Variants in MGAT4C observed in about 807,000 individuals in gnomAD.
MGAT4C encodes the protein alpha-1,3-mannosyl-glycoprotein 4-beta-N-acetylglucosaminyltransferase C.
In MGAT4C, 19 loss-of-function variants were observed where a neutral mutation model predicts 40.1. The ratio of observed to expected loss-of-function variants is 0.47; its 90% confidence interval spans 0.33 to 0.70. The LOEUF is 0.70. Ranked by LOEUF, MGAT4C falls within the 30% of genes least tolerant of loss-of-function variation. The pLI is 0.02. For synonymous variants in MGAT4C, 181 were observed against 187.1 expected (o/e 0.97, Z 0.27); for missense variants, 491 against 563.2 (o/e 0.87, Z 1.30).
chr12:85,993,418 C>T (rs2136737331), intron 2 of MGAT4C, among the ~76,000 whole-genome samples: 1 of 152,266 alleles, frequency 6.6e-6, no homozygotes, highest in South Asian at 2.1e-4. Context: ...GAGGAGGAAA[C>T]ACTTTCAGGT....
chr12:86,709,659 C>T (rs1950523980), intron 2 of MGAT4C, among the ~76,000 whole-genome samples: 1 of 152,046 alleles, frequency 6.6e-6, no homozygotes, highest in Admixed American at 6.6e-5. Flanking sequence ...AGTGATCCCC[C>T]CACCTTGGCC....
At chr12:86,085,187 T>C (rs1411275203) in intron 1 of MGAT4C, among the ~76,000 whole-genome samples, 1 of 152,126 alleles carries the variant, frequency 6.6e-6, no homozygotes, top group Admixed American at 6.6e-5. Context: ...TCTTTTACTG[T>C]GCAGAAGCTC....
At chr12:86,290,749 A>G (rs1363076599) in intron 4 of MGAT4C, among the ~76,000 whole-genome samples, 2 of 152,302 alleles carry the variant, frequency 1.3e-5, no homozygotes, top group East Asian at 3.9e-4. Context: ...AAAGTAAACA[A>G]TAACCACAAG....
chr12:86,737,435 C>CT (rs1394731833), intron 1 of MGAT4C, among the ~76,000 whole-genome samples: 1 of 146,242 alleles, frequency 6.8e-6, no homozygotes, highest in African/African-American at 2.5e-5. Flanking sequence ...CCTCAGTCTA[C>CT]TTTTTTCTTA....
At position 86,471,247 on chromosome 12, in the gene MGAT4C, T is replaced by TA. The variant is rs1157475527; in HGVS notation, c.-228-35983dup. ...AGATAATTTTTCTACTTTTAGTTTTTAAAAAATATGTATAACTCTTGAAAG... is the reference window on the plus strand; with the variant it reads ...AGATAATTTTTCTACTTTTAGTTTTTAAAAAAATATGTATAACTCTTGAAAG... On this transcript the variant is annotated intron_variant, in intron 2 of 7. Coordinates refer to the MGAT4C transcript ENST00000548651. Among the ~76,000 whole-genome samples, 22 of 152,124 alleles carry TA rather than the reference T, an allele frequency of 1.4e-4. No individual in the cohort carries two copies. The East Asian group carries it at 4.2e-3, about 29-fold the overall frequency.
At chr12:86,231,688 T>C (rs941851625) in intron 1 of MGAT4C, among the ~76,000 whole-genome samples, 6 of 152,194 alleles carry the variant, frequency 3.9e-5, no homozygotes, top group Non-Finnish European at 8.8e-5. Context: ...CCAGTTAATA[T>C]AGAGTATAGA....
intron 2 of MGAT4C, among the ~76,000 whole-genome samples, chr12:86,033,598 G>A (rs1890958554): frequency 6.7e-6 from 1 of 149,458 alleles, no homozygotes; most frequent in Non-Finnish European, 1.5e-5. Context: ...TGGTACATTT[G>A]TTTTGTATCC....
chr12:86,583,262 T>C (rs982181176), intron 2 of MGAT4C, among the ~76,000 whole-genome samples: 2 of 151,314 alleles, frequency 1.3e-5, no homozygotes, highest in Non-Finnish European at 3.0e-5. Flanking sequence ...ATCTCACAGA[T>C]TTACTTTAAA....
intron 3 of MGAT4C, among the ~76,000 whole-genome samples, chr12:86,350,631 G>A (rs1427644097): frequency 1.3e-5 from 2 of 152,162 alleles, no homozygotes; most frequent in African/African-American, 4.8e-5. Context: ...GATTAGGCTT[G>A]TGCCAAAAAT....
chr12:86,735,952 A>C (rs12315500), intron 1 of MGAT4C, among the ~76,000 whole-genome samples: 72,991 of 151,594 alleles, frequency 0.48, 17,889 homozygotes, highest in African/African-American at 0.54. Context: ...GGGTAAGTGT[A>C]TTTTTGTATT....
rs996685965 is a variant in MGAT4C at position 86,320,003 on chromosome 12, T to C, written c.-57+14062A>G. 2.6e-5 allele frequency among the ~76,000 whole-genome samples: 4 copies of C among 152,166 alleles called. No individual in the cohort carries two copies. In the East Asian group the frequency reaches 7.7e-4, roughly 29 times the overall value. ...CAGAGAACCAGTTCCGTGGTTCTTA[T>C]TGTTTTTCTTTTGGAATACTGTAAA... On this transcript the variant is annotated intron_variant, in intron 4 of 7. Coordinates refer to the MGAT4C transcript ENST00000548651.
At chr12:86,134,992 T>C (rs1474656203) in intron 1 of MGAT4C, among the ~76,000 whole-genome samples, 1 of 152,180 alleles carries the variant, frequency 6.6e-6, no homozygotes, top group East Asian at 1.9e-4. Flanking sequence ...GATACCTTTG[T>C]TTAAATGAAT....
chr12:86,069,656 T>A (rs1260747357), intron 1 of MGAT4C, among the ~76,000 whole-genome samples: 6 of 152,140 alleles, frequency 3.9e-5, no homozygotes, highest in Non-Finnish European at 8.8e-5. Context: ...TTTAAATCCA[T>A]GCCCAATATA....
At chr12:86,700,949 A>G (rs1950351328) in intron 2 of MGAT4C, among the ~76,000 whole-genome samples, 1 of 152,112 alleles carries the variant, frequency 6.6e-6, no homozygotes, top group Admixed American at 6.6e-5. Flanking sequence ...GAATTTTATC[A>G]AAATATAATG....
chr12:86,296,760 C>T (rs1364760346), intron 4 of MGAT4C, among the ~76,000 whole-genome samples: 2 of 152,230 alleles, frequency 1.3e-5, no homozygotes, highest in African/African-American at 4.8e-5. Context: ...GCCCCAGTTC[C>T]TGCTCGCGCC....
chr12:86,211,726 A>G (rs1212367580), intron 1 of MGAT4C, among the ~76,000 whole-genome samples: 1 of 151,876 alleles, frequency 6.6e-6, no homozygotes, highest in Non-Finnish European at 1.5e-5. Context: ...CCTTGCTATT[A>G]GTACCCTTCC....
intron 3 of MGAT4C, among the ~76,000 whole-genome samples, chr12:86,386,279 T>C (rs887984225): frequency 2.0e-5 from 3 of 152,166 alleles, no homozygotes; most frequent in African/African-American, 7.2e-5. Context: ...GGAATGCAGA[T>C]GATACAGTGC....
chr12:86,049,505 A>G (rs1444797044), intron 2 of MGAT4C, among the ~76,000 whole-genome samples, 169 bp downstream of exon 2: 2 of 152,114 alleles, frequency 1.3e-5, no homozygotes, highest in Non-Finnish European at 2.9e-5. Context: ...TTAAGAGTTT[A>G]TCATGAAAAC....
intron 3 of MGAT4C, among the ~76,000 whole-genome samples, chr12:86,409,862 TG>T (rs1956567916): frequency 6.6e-6 from 1 of 152,142 alleles, no homozygotes; most frequent in Non-Finnish European, 1.5e-5. Flanking sequence ...CCCTAAGTGT[TG>T]GCCGATCTGA....
Sources: allele counts gnomAD v4.1 joint callset (sites outside exome capture counted in the v4.1 genomes callset), GRCh38; gene constraint gnomAD v4.1.1; transcripts MANE v1.5; gene names NCBI Gene and HGNC (gene_info 2026-07-23, HGNC 2026-07-21).